Variants in LTBP2 observed in about 807,000 individuals in gnomAD.
The protein encoded by LTBP2 is latent-transforming growth factor beta-binding protein 2.
In LTBP2, 103 loss-of-function variants were observed where a neutral mutation model predicts 210.6. The observed-to-expected ratio is 0.49, with a 90% CI of 0.42 to 0.58. LTBP2 has a LOEUF of 0.58. Ranked by LOEUF, LTBP2 falls within the 20% of genes least tolerant of loss-of-function variation. LTBP2 has a pLI of 0.00. For synonymous variants in LTBP2, 1,007 were observed against 1,015.0 expected (o/e 0.99, Z 0.15); for missense variants, 2,313 against 2,494.5 (o/e 0.93, Z 1.55).
At chr14:74,510,422 A>G (rs2087056200) in intron 19 of LTBP2, among the ~76,000 whole-genome samples, 1 of 152,166 alleles carries the variant, frequency 6.6e-6, no homozygotes. Flanking sequence ...AGCCCTATCT[A>G]GTAACTCAGA....
rs1183352016 is a variant in LTBP2, at chr14:74,508,970, G to A, written c.3404-18C>T. ...ATCCACATCTGCAGGGCCACACAGG[G>A]GAGGAAGACAGCCGATGGCAGCACC... is the stretch of plus-strand genomic sequence containing the variant. On this transcript the variant is annotated intron_variant, in intron 22 of 35. Coordinates refer to ENST00000261978, the MANE Select transcript of LTBP2 (RefSeq NM_000428.3). The A allele has an allele frequency of 2.5e-6, 4 of 1,612,574 alleles. No individual in the cohort carries two copies. The Admixed American group carries it at 6.7e-5, about 27-fold the overall frequency.
rs770705078 is a variant in LTBP2 at position 74,551,078 on chromosome 14, T to C, written c.1672A>G (p.Thr558Ala). Residue 558 changes from threonine (T) to alanine (A), a missense_variant, in exon 7 of 36, where the codon ACT becomes GCT. Coordinates refer to ENST00000261978, the MANE Select transcript of LTBP2 (RefSeq NM_000428.3). ...RGLLGRCYLN[T>A]VNGQCANPLL... Reference sequence around the variant, plus strand: ...TGTGTTCTCACCTGTCCGTTCACAGTGTTCAGGTAACACCGGCCCAGCAGT... The same window carrying C: ...TGTGTTCTCACCTGTCCGTTCACAGCGTTCAGGTAACACCGGCCCAGCAGT... The C allele has an allele frequency of 3.7e-6, 6 of 1,613,734 alleles. No homozygotes were observed. Among genetic ancestry groups the C allele is most frequent in the Non-Finnish European group, 5.1e-6 (6 of 1,180,032 alleles).
At chr14:74,521,775 G>A (rs900389491) in intron 17 of LTBP2, 136 bp downstream of exon 17, 2 of 1,230,444 alleles carry the variant, frequency 1.6e-6, no homozygotes, top group South Asian at 2.5e-5. Context: ...TGGAGTTCTG[G>A]TCTCTCCTCC....
intron 4 of LTBP2, among the ~76,000 whole-genome samples, chr14:74,553,862 T>G (rs73297907): frequency 0.031 from 4,753 of 151,392 alleles, 249 homozygotes; most frequent in African/African-American, 0.11. Context: ...AAAAATATGT[T>G]TTGACCATGA....
At chr14:74,555,424 A>G in intron 4 of LTBP2, 79 bp downstream of exon 4, 17 of 1,418,734 alleles carry the variant, frequency 1.2e-5, no homozygotes, top group Non-Finnish European at 1.7e-5. Context: ...CCTCTGTGAG[A>G]GCAGAGGGGG....
rs5809673 is a variant in LTBP2 at position 74,608,715 on chromosome 14, G to GAA, written c.494+2734_494+2735dup. On this transcript the variant is annotated intron_variant, in intron 1 of 35. Coordinates refer to ENST00000261978, the MANE Select transcript of LTBP2 (RefSeq NM_000428.3). ...GCAAGAGACTCTATCTCAAAAAAAA[G>GAA]AAAAAAAAAAAAAGAAAAAAAGAAA... is the stretch of plus-strand genomic sequence containing the variant. 3.0e-3 allele frequency among the ~76,000 whole-genome samples: 353 copies of GAA among 116,262 alleles called. 4 individuals are homozygous for GAA. In the South Asian group the frequency reaches 0.052, roughly 17 times the overall value. The allele number at this position is 116,262 out of a possible 152,430, so 76.3% of individuals were successfully genotyped here. A position where few individuals can be genotyped will look rare whatever the true frequency, so the allele number is the denominator to read the frequency against.
At chr14:74,522,171 T>A (rs896547252) in intron 16 of LTBP2, 132 bp from the exon 17 acceptor site, 2 of 1,059,516 alleles carry the variant, frequency 1.9e-6, no homozygotes, top group Non-Finnish European at 2.8e-6. Flanking sequence ...GGTGAGGGAG[T>A]GGAGGAGGCT....
In LTBP2 at chr14:74,511,342, G is replaced by C. The variant is rs562664364; in HGVS notation, c.2931C>G (p.Pro977=). The change falls in exon 19 of 36, where the codon CCC becomes CCG. Residue 977 remains proline, a synonymous_variant. Coordinates refer to ENST00000261978, the MANE Select transcript of LTBP2 (RefSeq NM_000428.3). The part of the protein sequence containing the change: ...HCQDINECRH[P]GTCPDGRCVN... The stretch of plus-strand genomic sequence containing the variant: ...CGCATCTCCCATCAGGGCAGGTACC[G>C]GGGTGACGGCATTCGTTGATATCTG... The C allele has an allele frequency of 1.2e-6, 2 of 1,614,042 alleles. No individual in the cohort carries two copies. Among genetic ancestry groups the C allele is most frequent in the Non-Finnish European group, 1.7e-6 (2 of 1,179,964 alleles).
chr14:74,590,009 A>G (rs533856999), intron 2 of LTBP2, among the ~76,000 whole-genome samples: 3 of 152,332 alleles, frequency 2.0e-5, no homozygotes, highest in Non-Finnish European at 4.4e-5. Context: ...TCACATTAAC[A>G]ATAAGATCCT....
chr14:74,608,179 C>G (rs915017007), intron 1 of LTBP2, among the ~76,000 whole-genome samples: 37 of 151,818 alleles, frequency 2.4e-4, no homozygotes, highest in Non-Finnish European at 2.4e-4. Flanking sequence ...CTCAGCCTCC[C>G]AAAGTGCTGG....
chr14:74,509,594 G>T, intron 21 of LTBP2, 140 bp downstream of exon 21: 1 of 1,299,712 alleles, frequency 7.7e-7, no homozygotes, highest in Non-Finnish European at 1.1e-6. Context: ...TCTTGTTGGG[G>T]CCAGGTCCAT....
intron 8 of LTBP2, among the ~76,000 whole-genome samples, chr14:74,542,187 A>G (rs2087516383): frequency 6.6e-6 from 1 of 152,204 alleles, no homozygotes; most frequent in Non-Finnish European, 1.5e-5. Flanking sequence ...CCTGGTAAGG[A>G]CATCGGGACA....
chr14:74,551,331 C>A lies in LTBP2; in HGVS notation c.1419G>T (p.Leu473=). Reference sequence around the variant, plus strand: ...GTGGGTGGTGAATGTGCACCTTCACCAGGGAGGGGTTCACGGAGGCTGGGC... The same window carrying A: ...GTGGGTGGTGAATGTGCACCTTCACAAGGGAGGGGTTCACGGAGGCTGGGC... ...SNQLASVNPS[L]VKVHIHHPPE... is the part of the protein sequence containing the mutation. Residue 473 remains leucine, a synonymous_variant, in exon 7 of 36, where the codon CTG becomes CTT. Coordinates refer to ENST00000261978, the MANE Select transcript of LTBP2 (RefSeq NM_000428.3). The A allele has an allele frequency of 6.3e-7, 1 of 1,581,818 alleles. No individual in the cohort carries two copies. Among genetic ancestry groups the A allele is most frequent in the Middle Eastern group, 1.9e-4 (1 of 5,254 alleles).
chr14:74,525,107 G>A lies in LTBP2; in HGVS notation c.2530+17C>T. 7.7e-7 allele frequency: 1 copy of A among 1,304,386 alleles called. No homozygotes were observed. The highest frequency in any genetic ancestry group is 9.9e-7 in the Non-Finnish European group (1 of 1,009,186). The allele number at this position is 1,304,386 out of a possible 1,614,324, so 80.8% of individuals were successfully genotyped here. ...AGGGCAGGGTGCAGGGAGCCCCAAA[G>A]GTCTGGCTGCAGCTACCTGGGGTGC... On this transcript the variant is annotated intron_variant, in intron 15 of 35. Coordinates refer to ENST00000261978, the MANE Select transcript of LTBP2 (RefSeq NM_000428.3).
intron 3 of LTBP2, among the ~76,000 whole-genome samples, chr14:74,579,555 G>T (rs2088108591): frequency 3.3e-5 from 5 of 152,204 alleles, no homozygotes; most frequent in Admixed American, 3.3e-4. Context: ...GCAAGGCAGG[G>T]TTCTGCTCTG....
chr14:74,564,971 G>A (rs1237154038), intron 3 of LTBP2, among the ~76,000 whole-genome samples: 2 of 152,124 alleles, frequency 1.3e-5, no homozygotes, highest in Non-Finnish European at 2.9e-5. Flanking sequence ...AGGCTTTGAG[G>A]GATTAAAGAA....
intron 28 of LTBP2, among the ~76,000 whole-genome samples, chr14:74,505,493 G>A (rs2086970856): frequency 1.3e-5 from 2 of 152,156 alleles, no homozygotes; most frequent in Non-Finnish European, 2.9e-5. Context: ...TCCCTGGGAC[G>A]GGCTGCCCCC....
chr14:74,514,694 C>A (rs1412837172), intron 18 of LTBP2, among the ~76,000 whole-genome samples: 7 of 152,136 alleles, frequency 4.6e-5, no homozygotes, highest in Non-Finnish European at 7.4e-5. Flanking sequence ...CCCGGTACGA[C>A]GGAAATGCCG....
At chr14:74,501,869 G>T (rs2086915057) in intron 34 of LTBP2, 1 of 520,304 alleles carries the variant, frequency 1.9e-6, no homozygotes. Flanking sequence ...CCCGGCTCCT[G>T]CTGGGGTTTG....
Sources: allele counts gnomAD v4.1 joint callset (sites outside exome capture counted in the v4.1 genomes callset), GRCh38; gene constraint gnomAD v4.1.1; transcripts MANE v1.5; gene names NCBI Gene and HGNC (gene_info 2026-07-23, HGNC 2026-07-21).